Variants in NOL4 observed in about 807,000 individuals in gnomAD.
The protein encoded by NOL4 is nucleolar protein 4, also known as cancer/testis antigen 125.
A neutral mutation model predicts 75.9 loss-of-function variants in NOL4; 17 were observed. That is an observed-to-expected ratio of 0.22 (90% CI 0.15 to 0.34). The LOEUF (loss-of-function observed/expected upper bound fraction) is 0.34. Among genes scored for constraint, NOL4 ranks in the 10% least tolerant of loss-of-function variants. NOL4 has a pLI of 1.00. For missense variants in NOL4, 614 were observed against 793.5 expected, an observed-to-expected ratio of 0.77 and a Z score of 2.72; for synonymous variants, 292 against 289.9, an observed-to-expected ratio of 1.01 and a Z score of -0.07.
At chr18:34,019,898 G>T (rs538484979) in intron 5 of NOL4, among the ~76,000 whole-genome samples, 4 of 151,588 alleles carry the variant, frequency 2.6e-5, no homozygotes, top group African/African-American at 7.3e-5. Context: ...TGAATGGCTT[G>T]GTGCCATCCC....
intron 5 of NOL4, among the ~76,000 whole-genome samples, chr18:34,053,324 G>C (rs2076701265): frequency 1.3e-5 from 2 of 151,898 alleles, no homozygotes; most frequent in South Asian, 4.1e-4. Context: ...AAAAAATACA[G>C]TAGTGTTTGC....
At chr18:34,218,561 G>A (rs897359577) in intron 1 of NOL4, among the ~76,000 whole-genome samples, 3 of 152,056 alleles carry the variant, frequency 2.0e-5, no homozygotes, top group Non-Finnish European at 4.4e-5. Flanking sequence ...CCTATGCTGG[G>A]GACTTGTCAT....
chr18:34,129,247 T>C (rs1600678800), intron 2 of NOL4, among the ~76,000 whole-genome samples: 1 of 151,946 alleles, frequency 6.6e-6, no homozygotes, highest in Non-Finnish European at 1.5e-5. Flanking sequence ...TTAAATCTGC[T>C]TTTTACAAAA....
intron 9 of NOL4, among the ~76,000 whole-genome samples, chr18:33,896,723 G>A (rs1180841024): frequency 6.6e-6 from 1 of 152,108 alleles, no homozygotes; most frequent in Non-Finnish European, 1.5e-5. Context: ...AAGATTTCAT[G>A]ACAAAGACAC....
chr18:34,222,186 C>A, intron 1 of NOL4: 2 of 1,468,518 alleles, frequency 1.4e-6, no homozygotes, highest in East Asian at 5.2e-5. Flanking sequence ...CAGTGCCTCG[C>A]GGCGCCTGGG....
intron 4 of NOL4, among the ~76,000 whole-genome samples, chr18:34,097,966 T>C (rs1475756410): frequency 6.6e-6 from 1 of 152,168 alleles, no homozygotes; most frequent in Non-Finnish European, 1.5e-5. Flanking sequence ...GATACAGTAT[T>C]TTGTAAAATC....
intron 9 of NOL4, among the ~76,000 whole-genome samples, chr18:33,899,499 C>T (rs981328066): frequency 6.6e-6 from 1 of 152,138 alleles, no homozygotes; most frequent in Non-Finnish European, 1.5e-5. Context: ...AGAAGTTGCT[C>T]CTGGCCAGCT....
chr18:34,020,747 C>A lies in NOL4; in HGVS notation c.773-1146G>T, dbSNP rs146366539. 2.5e-3 allele frequency among the ~76,000 whole-genome samples: 377 copies of A among 151,576 alleles called. 4 individuals carry two copies. Among genetic ancestry groups the A allele is most frequent in the African/African-American group, 7.8e-3 (323 of 41,328 alleles). ...TACAAAAGAGTGTGGTTGGTATGAT[C>A]CCAATTTTGTTAAAAAAAAACACAT... On this transcript the variant is annotated intron_variant, in intron 5 of 10. Transcript: ENST00000261592.
At chr18:34,148,955 T>A (rs1362932083) in intron 1 of NOL4, among the ~76,000 whole-genome samples, 1 of 151,568 alleles carries the variant, frequency 6.6e-6, no homozygotes, top group Non-Finnish European at 1.5e-5. Flanking sequence ...ATATACAAAC[T>A]ATTTTTTCCT....
At chr18:33,998,107 C>T (rs980208660) in intron 6 of NOL4, among the ~76,000 whole-genome samples, 3 of 151,808 alleles carry the variant, frequency 2.0e-5, no homozygotes, top group Non-Finnish European at 2.9e-5. Flanking sequence ...TTAATGGTTG[C>T]TTAGAGATGA....
intron 5 of NOL4, among the ~76,000 whole-genome samples, chr18:34,054,431 A>T (rs1347586321): frequency 6.6e-6 from 1 of 151,838 alleles, no homozygotes; most frequent in Non-Finnish European, 1.5e-5. Context: ...TTCTTGGCAA[A>T]TTGGCCCTTT....
intron 1 of NOL4, among the ~76,000 whole-genome samples, chr18:34,144,987 C>T (rs2146032636): frequency 6.6e-6 from 1 of 152,190 alleles, no homozygotes; most frequent in African/African-American, 2.4e-5. Context: ...TGGAGTAGAT[C>T]ACTGTCCTGA....
chr18:34,221,939 G>T, intron 1 of NOL4: 1 of 1,190,330 alleles, frequency 8.4e-7, no homozygotes, highest in African/African-American at 1.5e-5. Context: ...AGGAAGAAAT[G>T]CTCAAGAAAC....
intron 5 of NOL4, among the ~76,000 whole-genome samples, chr18:34,051,709 G>A (rs2076631483): frequency 6.6e-6 from 1 of 152,056 alleles, no homozygotes; most frequent in Non-Finnish European, 1.5e-5. Context: ...ACTGCTCTAG[G>A]TGCTGGGGGT....
At chr18:34,105,336 G>T (rs531109099) in intron 2 of NOL4, among the ~76,000 whole-genome samples, 176 bp from the exon 3 acceptor site, 2 of 151,996 alleles carry the variant, frequency 1.3e-5, no homozygotes, top group Non-Finnish European at 2.9e-5. Context: ...AACTTGATTA[G>T]ATGTCTTTTA....
intron 6 of NOL4, among the ~76,000 whole-genome samples, chr18:33,970,015 TA>T (rs1016327235): frequency 6.6e-6 from 1 of 152,180 alleles, no homozygotes; most frequent in African/African-American, 2.4e-5. Context: ...AAGGACTTGG[TA>T]AAACAAGTTA....
intron 6 of NOL4, among the ~76,000 whole-genome samples, chr18:33,967,236 C>G (rs1408867278): frequency 1.3e-5 from 2 of 152,092 alleles, no homozygotes; most frequent in African/African-American, 4.8e-5. Context: ...AAAAGACATC[C>G]TATTCAATAA....
intron 6 of NOL4, among the ~76,000 whole-genome samples, chr18:33,999,077 A>C (rs2146205679): frequency 6.6e-6 from 1 of 151,680 alleles, no homozygotes; most frequent in Non-Finnish European, 1.5e-5. Flanking sequence ...CATTTTTATG[A>C]TGTCTAAATT....
chr18:34,147,721 C>T (rs559439271), intron 1 of NOL4, among the ~76,000 whole-genome samples: 24 of 152,066 alleles, frequency 1.6e-4, no homozygotes, highest in Non-Finnish European at 1.6e-4. Context: ...CAGGATGATG[C>T]TGGCCTCATA....
Sources: allele counts gnomAD v4.1 joint callset (sites outside exome capture counted in the v4.1 genomes callset), GRCh38; gene constraint gnomAD v4.1.1; transcripts MANE v1.5; gene names NCBI Gene and HGNC (gene_info 2026-07-23, HGNC 2026-07-21).